Variants in VPS33B observed in about 807,000 individuals in gnomAD.
VPS33B encodes vacuolar protein sorting-associated protein 33B.
In VPS33B, 80 loss-of-function variants were observed where a neutral mutation model predicts 95.3. The ratio of observed to expected loss-of-function variants is 0.84; its 90% CI spans 0.70 to 1.01. The LOEUF is 1.01. Ranked by LOEUF, VPS33B falls within the 50% of genes least tolerant of loss-of-function variation. The pLI, the probability that VPS33B is intolerant of heterozygous loss-of-function variation, is 0.00. For synonymous variants in VPS33B, 280 were observed against 280.4 expected (o/e 1.00, Z 0.01); for missense variants, 715 against 773.4 (o/e 0.92, Z 0.90).
At position 91,022,369 on chromosome 15, in the gene VPS33B, C is replaced by T. The variant is rs2041131003; in HGVS notation, c.-120G>A. ...GGCCTGGGCACCGACTTCCAGAGAC[C>T]CCAGATGGGCCCTCGCTCCTCAGCA... On this transcript the variant is annotated 5_prime_UTR_variant, in exon 1 of 23. Transcript: ENST00000333371. The T allele has an allele frequency of 5.5e-6, 5 of 910,192 alleles. No homozygotes were observed. The highest frequency in any genetic ancestry group is 8.2e-6 in the Non-Finnish European group (5 of 611,280). The allele number at this position is 910,192 out of a possible 1,614,324, so 56.4% of individuals were successfully genotyped here.
Position 91,015,166 on chromosome 15 carries a change from T to C in VPS33B, c.240-733A>G, listed in dbSNP as rs1481091517. 6.6e-6 allele frequency among the ~76,000 whole-genome samples: 1 copy of C among 150,850 alleles called. No individual in the cohort carries two copies. The highest frequency in any genetic ancestry group is 1.5e-5 in the Non-Finnish European group (1 of 67,742). On this transcript the variant is annotated intron_variant, in intron 3 of 22. Transcript: ENST00000333371. This position sits in a 1 kb window ranked among gnomAD's most constrained non-coding sequence, Gnocchi z 4.7. Reference sequence around the variant, plus strand: ...GCCCAGCCAACATGGTGAAACCCCGTCTCTACTAAAAATACAAAAATTGGC... The same window carrying C: ...GCCCAGCCAACATGGTGAAACCCCGCCTCTACTAAAAATACAAAAATTGGC...
At chr15:91,019,114 G>GTTTTT (rs368381850) in intron 1 of VPS33B, among the ~76,000 whole-genome samples, 1 of 87,760 alleles carries the variant, frequency 1.1e-5, no homozygotes, top group Non-Finnish European at 2.1e-5. Context: ...CTCCTGGCCT[G>GTTTTT]TTTTTTTTTT....
chr15:91,001,309 CA>C lies in VPS33B; in HGVS notation c.1479+79del, dbSNP rs35353020. On this transcript the variant is annotated intron_variant, in intron 19 of 22. Coordinates refer to ENST00000333371, the MANE Select transcript of VPS33B (RefSeq NM_018668.5). Reference sequence around the variant, plus strand: ...TGGGCAACAGAGCAAGATTCCATCTCAAAAAAAAAAAAAAAAAAGAAAAGTA... The same window carrying C: ...TGGGCAACAGAGCAAGATTCCATCTCAAAAAAAAAAAAAAAAAGAAAAGTA... 0.2 allele frequency: 145,649 copies of C among 741,034 alleles called. 652 individuals are homozygous for C. Among genetic ancestry groups the C allele is most frequent in the South Asian group, 0.22 (12,940 of 59,552 alleles). The allele number at this position is 741,034 out of a possible 1,614,324, so 45.9% of individuals were successfully genotyped here. A position where few individuals can be genotyped will look rare whatever the true frequency, so the allele number is the denominator to read the frequency against.
rs545666850 is a variant in VPS33B, at chr15:91,015,537, G to A, written c.240-1104C>T. On this transcript the variant is annotated intron_variant, in intron 3 of 22. Coordinates refer to ENST00000333371, the MANE Select transcript of VPS33B (RefSeq NM_018668.5). The surrounding 1 kb of genome is among the most constrained non-coding windows in gnomAD (Gnocchi z 4.7). ...TCTACTAAAAATACAAAAATTAGCT[G>A]GGCAAGGTGGCAGGCGCCTGTAATC... Among the ~76,000 whole-genome samples, 1 of 152,018 alleles carries A rather than the reference G, an allele frequency of 6.6e-6. No homozygotes were observed. Among genetic ancestry groups the A allele is most frequent in the Non-Finnish European group, 1.5e-5 (1 of 67,958 alleles).
rs976849194 is a variant in VPS33B, at chr15:91,005,514, G to T, written c.1031-60C>A. ...GGTTCTAGAAAGATGTCCCTTTATT[G>T]TCCGGAAGAATAAAAAACCTCCTAA... On this transcript the variant is annotated intron_variant, in intron 13 of 22. Transcript: ENST00000333371. The surrounding 1 kb of genome is among the most constrained non-coding windows in gnomAD (Gnocchi z 6.4). 1.2e-6 allele frequency: 2 copies of T among 1,610,444 alleles called. No homozygotes were observed. Among genetic ancestry groups the T allele is most frequent in the Non-Finnish European group, 8.5e-7 (1 of 1,176,930 alleles).
Position 91,000,461 on chromosome 15 carries a change from G to T in VPS33B, c.1581+29C>A. ...AGAGAAAGCAGAGAGAATGAAATATGAATGGGAGCAAGAATTACATGCTCT... is the reference window on the plus strand; with the variant it reads ...AGAGAAAGCAGAGAGAATGAAATATTAATGGGAGCAAGAATTACATGCTCT... On this transcript the variant is annotated intron_variant, in intron 20 of 22. Coordinates refer to ENST00000333371, the MANE Select transcript of VPS33B (RefSeq NM_018668.5). This position sits in a 1 kb window ranked among gnomAD's most constrained non-coding sequence, Gnocchi z 4.9. The T allele has an allele frequency of 1.9e-6, 3 of 1,580,700 alleles. No homozygotes were observed. The highest frequency in any genetic ancestry group is 1.7e-6 in the Non-Finnish European group (2 of 1,152,250).
In VPS33B at chr15:91,014,407, A is replaced by C. The variant is rs1259816290; in HGVS notation, c.266T>G (p.Ile89Ser). 1 of 1,613,980 alleles carries C rather than the reference A, an allele frequency of 6.2e-7. No homozygotes were observed. ...ACTGGCAATGTATCGCATATTCTTG[A>C]TGCGGGGTCTGACCAAGAAGCACAA... is the stretch of plus-strand genomic sequence containing the variant. ...EQLCFLVRPRIKNMRYIASLV... is the reference protein window; with the variant it reads ...EQLCFLVRPRSKNMRYIASLV... Residue 89 changes from isoleucine (I) to serine (S), a missense_variant, in exon 4 of 23, where the codon ATC becomes AGC. Coordinates refer to ENST00000333371, the MANE Select transcript of VPS33B (RefSeq NM_018668.5).
intron 1 of VPS33B, among the ~76,000 whole-genome samples, chr15:91,020,751 T>G (rs1435015362): frequency 6.6e-6 from 1 of 152,034 alleles, no homozygotes; most frequent in Non-Finnish European, 1.5e-5. Context: ...TGGGCTAGCG[T>G]GCGCCTGTAA....
At position 91,007,549 on chromosome 15, in the gene VPS33B, T is replaced by A; in HGVS notation, c.523A>T (p.Thr175Ser). Residue 175 changes from threonine (T) to serine (S), a missense_variant, in exon 8 of 23, where the codon ACT becomes TCT. Coordinates refer to ENST00000333371, the MANE Select transcript of VPS33B (RefSeq NM_018668.5). This position sits in a 1 kb window ranked among gnomAD's most constrained non-coding sequence, Gnocchi z 5.3. ...FLEGDQRWIN[T>S]VAQALHLLST... ...AGAAGGTGTAAGGCCTGAGCTACAG[T>A]GTTGATCCAACGCTGATCTCCTTCC... 6.2e-7 allele frequency: 1 copy of A among 1,614,148 alleles called. No individual in the cohort carries two copies. Among genetic ancestry groups the A allele is most frequent in the Non-Finnish European group, 8.5e-7 (1 of 1,180,014 alleles).
Position 91,002,278 on chromosome 15 carries a change from T to C in VPS33B, c.1273-96A>G. ...TTGAGCAGAAGGACTATGAAGCCTCTGCTGCAGTGTGAAGGAGCTCACACT... is the reference window on the plus strand; with the variant it reads ...TTGAGCAGAAGGACTATGAAGCCTCCGCTGCAGTGTGAAGGAGCTCACACT... On this transcript the variant is annotated intron_variant, in intron 17 of 22. Transcript: ENST00000333371. This position sits in a 1 kb window ranked among gnomAD's most constrained non-coding sequence, Gnocchi z 4.7. 6.5e-7 allele frequency: 1 copy of C among 1,535,218 alleles called. No individual in the cohort carries two copies. The highest frequency in any genetic ancestry group is 8.9e-7 in the Non-Finnish European group (1 of 1,124,644).
At chr15:91,019,594 A>T (rs1429674519) in intron 1 of VPS33B, among the ~76,000 whole-genome samples, 1 of 152,174 alleles carries the variant, frequency 6.6e-6, no homozygotes, top group Admixed American at 6.5e-5. Context: ...TCTAATTAAC[A>T]GGGAAAAATA....
In VPS33B at chr15:91,018,132, C is replaced by T; in HGVS notation, c.97-247G>A. 1 of 502,724 alleles carries T rather than the reference C, an allele frequency of 2.0e-6. No individual in the cohort carries two copies. The highest frequency in any genetic ancestry group is 5.9e-4 in the Middle Eastern group (1 of 1,696). 31.1% of individuals were successfully genotyped at this position (502,724 alleles called of 1,614,324 possible). ...TCCCACCTTCTTTCTCAGGTTAACT[C>T]CTTGTCACTCAACCCTTCTGCTCAC... On this transcript the variant is annotated intron_variant, in intron 1 of 22. Coordinates refer to ENST00000333371, the MANE Select transcript of VPS33B (RefSeq NM_018668.5). The surrounding 1 kb of genome is among the most constrained non-coding windows in gnomAD (Gnocchi z 4.7).
At chr15:91,020,898 A>G (rs1177517761) in intron 1 of VPS33B, among the ~76,000 whole-genome samples, 1 of 152,140 alleles carries the variant, frequency 6.6e-6, no homozygotes, top group Non-Finnish European at 1.5e-5. Context: ...TAAATAAAAT[A>G]AAATAGAAAT....
chr15:91,003,681 G>A lies in VPS33B; in HGVS notation c.1226-550C>T, dbSNP rs185711351. Among the ~76,000 whole-genome samples the A allele has an allele frequency of 1.9e-3, 287 of 152,058 alleles. 2 individuals carry two copies. Among genetic ancestry groups the A allele is most frequent in the Middle Eastern group, 0.01 (3 of 294 alleles). On this transcript the variant is annotated intron_variant, in intron 16 of 22. Coordinates refer to ENST00000333371, the MANE Select transcript of VPS33B (RefSeq NM_018668.5). Reference sequence around the variant, plus strand: ...TCTCCAACTCCTGATCTCAAGATCCGCCTGCCTTGGCCTCCCAAAGTGCTA... The same window carrying A: ...TCTCCAACTCCTGATCTCAAGATCCACCTGCCTTGGCCTCCCAAAGTGCTA...
chr15:91,006,975 A>G lies in VPS33B; in HGVS notation c.675T>C (p.Ile225=), dbSNP rs1330616593. The G allele has an allele frequency of 1.2e-6, 2 of 1,614,126 alleles. No homozygotes were observed. Among genetic ancestry groups the G allele is most frequent in the Non-Finnish European group, 1.7e-6 (2 of 1,180,028 alleles). Residue 225 remains isoleucine (I), a synonymous_variant, in exon 9 of 23, where the codon ATT becomes ATC. Coordinates refer to ENST00000333371, the MANE Select transcript of VPS33B (RefSeq NM_018668.5). This position sits in a 1 kb window ranked among gnomAD's most constrained non-coding sequence, Gnocchi z 5.4. ...CTCTGTCCAAGAGAAAGATATGTCCAATCTCTGGCCTTCGGCCCTTGGTTT... is the reference window on the plus strand; with the variant it reads ...CTCTGTCCAAGAGAAAGATATGTCCGATCTCTGGCCTTCGGCCCTTGGTTT... ...DGETKGRRPE[I]GHIFLLDRDV...
chr15:91,008,045 G>T, intron 6 of VPS33B, 81 bp from the exon 7 acceptor site: 1 of 1,312,274 alleles, frequency 7.6e-7, no homozygotes, highest in South Asian at 1.2e-5. Context: ...ACAAATATTT[G>T]AGTGCGTGCA....
chr15:91,007,062 AC>A lies in VPS33B; in HGVS notation c.604-17del. On this transcript the variant is annotated splice_polypyrimidine_tract_variant and intron_variant, in intron 8 of 22. Coordinates refer to ENST00000333371, the MANE Select transcript of VPS33B (RefSeq NM_018668.5). The surrounding 1 kb of genome is among the most constrained non-coding windows in gnomAD (Gnocchi z 5.3). ...CATATGCCATCTGCCAGGGCCCAAGACATTCTCAGTCTTGTGTCCAGGTCCC... is the reference window on the plus strand; with the variant it reads ...CATATGCCATCTGCCAGGGCCCAAGAATTCTCAGTCTTGTGTCCAGGTCCC... The A allele has an allele frequency of 1.9e-6, 3 of 1,607,490 alleles. No homozygotes were observed. Among genetic ancestry groups the A allele is most frequent in the Non-Finnish European group, 2.5e-6 (3 of 1,179,932 alleles).
rs944303360 is a variant in VPS33B at position 91,018,585 on chromosome 15, TA to T, written c.97-701del. ...CAGAAAGAGAGCATAGGCTGTGTAG[TA>T]AGGGGACGATTTTGCCCTCCGAGGG... On this transcript the variant is annotated intron_variant, in intron 1 of 22. Coordinates refer to ENST00000333371, the MANE Select transcript of VPS33B (RefSeq NM_018668.5). The surrounding 1 kb of genome is among the most constrained non-coding windows in gnomAD (Gnocchi z 4.7). Among the ~76,000 whole-genome samples the T allele has an allele frequency of 6.6e-6, 1 of 151,972 alleles. No individual in the cohort carries two copies. Among genetic ancestry groups the T allele is most frequent in the African/African-American group, 2.4e-5 (1 of 41,386 alleles).
rs2040780490 is a variant in VPS33B, at chr15:91,011,585, G to A, written c.358-1739C>T. ...AAAATTAGGTCAAAGAATTTGATTA[G>A]ATAAGGTGTTAAGTGGAGAACACTC... On this transcript the variant is annotated intron_variant, in intron 5 of 22. Transcript: ENST00000333371. This position sits in a 1 kb window ranked among gnomAD's most constrained non-coding sequence, Gnocchi z 5.5. Among the ~76,000 whole-genome samples the A allele has an allele frequency of 6.6e-6, 1 of 152,238 alleles. No homozygotes were observed. Among genetic ancestry groups the A allele is most frequent in the Non-Finnish European group, 1.5e-5 (1 of 68,038 alleles).
Sources: gnomAD v4.1 joint callset for allele counts (sites outside exome capture counted in the v4.1 genomes callset) on GRCh38, gnomAD v4.1.1 for gene constraint, Gnocchi (gnomAD v3.1) non-coding constraint, MANE v1.5 for transcripts, NCBI Gene and HGNC (gene_info 2026-07-23, HGNC 2026-07-21) for gene names.